The following ATAD1 variants were observed in gnomAD, a reference collection of about 807,000 sequenced individuals.
ATAD1 encodes ATPase family AAA domain containing 1, also known as outer mitochondrial transmembrane helix translocase.
Under a neutral mutation model 42.7 loss-of-function variants are expected in ATAD1, and 18 were observed. The ratio of observed to expected loss-of-function variants is 0.42; its 90% CI spans 0.29 to 0.63. ATAD1 has a LOEUF of 0.63. ATAD1 is among the 20% of genes least tolerant of loss of function. The pLI is 0.19. For synonymous variants in ATAD1, 132 were observed against 143.1 expected (o/e 0.92, Z 0.55); for missense variants, 294 against 440.4 (o/e 0.67, Z 2.98).
intron 3 of ATAD1, among the ~76,000 whole-genome samples, chr10:87,792,198 T>C (rs1232472927): frequency 6.6e-6 from 1 of 152,236 alleles, no homozygotes; most frequent in Non-Finnish European, 1.5e-5. Flanking sequence ...AACAGCTCAC[T>C]GTGCCTAAAC....
rs1480855836 is a variant in ATAD1 at position 87,807,174 on chromosome 10, GAA to G, written c.162+7262_162+7263del. 2.0e-5 allele frequency among the ~76,000 whole-genome samples: 3 copies of G among 152,050 alleles called. No homozygotes were observed. In the East Asian group the frequency reaches 5.8e-4, roughly 29 times the overall value. On this transcript the variant is annotated intron_variant, in intron 2 of 9. Coordinates refer to ENST00000680024, the MANE Select transcript of ATAD1 (RefSeq NM_001321967.2). ...AAATGAGAATTCAGAACGGTAGAAG[GAA>G]AAGTGTTTTTCCTCTCCTATATGTG...
At chr10:87,837,211 G>A (rs1408079675) in intron 1 of ATAD1, among the ~76,000 whole-genome samples, 1 of 152,060 alleles carries the variant, frequency 6.6e-6, no homozygotes, top group Non-Finnish European at 1.5e-5. Context: ...GACTAGTTTT[G>A]AATTGTATCC....
intron 6 of ATAD1, among the ~76,000 whole-genome samples, chr10:87,773,387 T>C (rs984631789): frequency 6.6e-6 from 1 of 152,186 alleles, no homozygotes; most frequent in Non-Finnish European, 1.5e-5. Flanking sequence ...TTCTATTTCC[T>C]TGGTGACCAT....
chr10:87,806,900 A>T (rs1273713412), intron 2 of ATAD1, among the ~76,000 whole-genome samples: 1 of 152,208 alleles, frequency 6.6e-6, no homozygotes, highest in Non-Finnish European at 1.5e-5. Flanking sequence ...GAATCTGCAT[A>T]ACAAACTTTA....
rs183550885 is a variant in ATAD1, at chr10:87,810,792, A to T, written c.162+3646T>A. On this transcript the variant is annotated intron_variant, in intron 2 of 9. Coordinates refer to ENST00000680024, the MANE Select transcript of ATAD1 (RefSeq NM_001321967.2). The stretch of plus-strand genomic sequence containing the variant: ...TTCATCTTTAAAACACTGTGTCTTT[A>T]TCTTTAGTTGAAATACTACAGATAG... Among the ~76,000 whole-genome samples, 6 of 152,308 alleles carry T rather than the reference A, an allele frequency of 3.9e-5. No individual in the cohort carries two copies. In the East Asian group the frequency reaches 9.6e-4, roughly 24 times the overall value.
At chr10:87,775,672 G>A (rs1855272837) in intron 6 of ATAD1, among the ~76,000 whole-genome samples, 1 of 151,978 alleles carries the variant, frequency 6.6e-6, no homozygotes, top group Non-Finnish European at 1.5e-5. Context: ...AAAACTAAAT[G>A]AAAACTGGGA....
intron 8 of ATAD1, among the ~76,000 whole-genome samples, chr10:87,757,165 G>A (rs953464523): frequency 6.6e-6 from 1 of 151,338 alleles, no homozygotes; most frequent in Non-Finnish European, 1.5e-5. Flanking sequence ...GGGGAAGAAC[G>A]GATATTGGAC....
Position 87,790,190 on chromosome 10 carries a change from A to G in ATAD1, c.382+120T>C, listed in dbSNP as rs1856028846. On this transcript the variant is annotated intron_variant, in intron 4 of 9. Transcript: ENST00000680024. ...GAGCAATTATTTTAAGAAACTGTTC[A>G]CATAGATCTCAGCATCCTCTTGAGA... 3.5e-6 allele frequency: 4 copies of G among 1,156,658 alleles called. No homozygotes were observed. The East Asian group carries it at 1.0e-4, about 30-fold the overall frequency. The allele number at this position is 1,156,658 out of a possible 1,614,324, so 71.6% of individuals were successfully genotyped here.
Position 87,776,295 on chromosome 10 carries a change from G to A in ATAD1, c.690+26C>T, listed in dbSNP as rs759232768. On this transcript the variant is annotated intron_variant, in intron 6 of 9. Transcript: ENST00000680024. ...ATTAAGAACAAAAAAACCAACACAAGTTGAGGGCAGATTTTATTCAAATAC... is the reference window on the plus strand; with the variant it reads ...ATTAAGAACAAAAAAACCAACACAAATTGAGGGCAGATTTTATTCAAATAC... The A allele has an allele frequency of 5.1e-6, 8 of 1,565,256 alleles. No homozygotes were observed. The East Asian group carries it at 1.3e-4, about 26-fold the overall frequency.
chr10:87,834,562 T>G (rs573494496), intron 1 of ATAD1, among the ~76,000 whole-genome samples: 1 of 152,300 alleles, frequency 6.6e-6, no homozygotes, highest in East Asian at 1.9e-4. Context: ...CATATTTATG[T>G]GTGTTGAGTT....
intron 2 of ATAD1, among the ~76,000 whole-genome samples, chr10:87,810,416 T>A (rs1460865279): frequency 6.6e-6 from 1 of 152,056 alleles, no homozygotes; most frequent in Non-Finnish European, 1.5e-5. Context: ...CCTTAATTTT[T>A]AAAAAATCTG....
intron 1 of ATAD1, among the ~76,000 whole-genome samples, chr10:87,825,610 C>T (rs1265381939): frequency 2.7e-5 from 4 of 150,348 alleles, no homozygotes. Context: ...TGCCCAGCCA[C>T]AAATCCTAAC....
intron 1 of ATAD1, among the ~76,000 whole-genome samples, chr10:87,827,070 G>A (rs1452088691): frequency 6.6e-6 from 1 of 152,144 alleles, no homozygotes; most frequent in Non-Finnish European, 1.5e-5. Flanking sequence ...GTGCCAGGTA[G>A]GTGAAGAACA....
At position 87,753,504 on chromosome 10, in the gene ATAD1, A is replaced by C. The variant is rs1160643972; in HGVS notation, c.*1183T>G. ...CATGCTGCGTGGTTAGGTGCCTATA[A>C]CAGAATTCTGGTTAGTAAAATTTTG... On this transcript the variant is annotated 3_prime_UTR_variant, in exon 10 of 10. Coordinates refer to ENST00000680024, the MANE Select transcript of ATAD1 (RefSeq NM_001321967.2). 1 of 152,232 alleles carries C rather than the reference A, an allele frequency of 6.6e-6. No individual in the cohort carries two copies. Among genetic ancestry groups the C allele is most frequent in the Non-Finnish European group, 1.5e-5 (1 of 68,014 alleles). 9.4% of individuals were successfully genotyped at this position (152,232 alleles called of 1,614,324 possible). A position where few individuals can be genotyped will look rare whatever the true frequency, so the allele number is the denominator to read the frequency against.
chr10:87,787,247 G>T (rs575478232), intron 4 of ATAD1, among the ~76,000 whole-genome samples: 1 of 152,212 alleles, frequency 6.6e-6, no homozygotes, highest in Non-Finnish European at 1.5e-5. Flanking sequence ...CTTTATAGAG[G>T]CTTAAAAATT....
At chr10:87,762,796 C>T (rs1854544740) in intron 8 of ATAD1, among the ~76,000 whole-genome samples, 1 of 151,072 alleles carries the variant, frequency 6.6e-6, no homozygotes, top group South Asian at 2.1e-4. Context: ...GTCAACCGGG[C>T]ACGGTGGCTC....
intron 2 of ATAD1, among the ~76,000 whole-genome samples, chr10:87,804,217 C>T (rs1856826061): frequency 6.6e-6 from 1 of 152,128 alleles, no homozygotes; most frequent in Non-Finnish European, 1.5e-5. Flanking sequence ...AAATAGTTTT[C>T]AAGTCTACAG....
chr10:87,756,942 AT>A lies in ATAD1; in HGVS notation c.832-21del. ...ATCCACCTTAAACAAATATAAAAAC[AT>A]GCTTAAAAAACAAAAATAAATATAT... On this transcript the variant is annotated intron_variant, in intron 8 of 9. Transcript: ENST00000680024. 2 of 1,565,914 alleles carry A rather than the reference AT, an allele frequency of 1.3e-6. No homozygotes were observed. Among genetic ancestry groups the A allele is most frequent in the Non-Finnish European group, 1.7e-6 (2 of 1,161,708 alleles).
intron 4 of ATAD1, among the ~76,000 whole-genome samples, chr10:87,789,999 AAAC>A (rs2131919099): frequency 6.6e-6 from 1 of 152,298 alleles, no homozygotes; most frequent in Admixed American, 6.5e-5. Context: ...AAACAAAACA[AAAC>A]AAAAAACTTG....
Sources: gnomAD v4.1 joint callset for allele counts (sites outside exome capture counted in the v4.1 genomes callset) on GRCh38, gnomAD v4.1.1 for gene constraint, MANE v1.5 for transcripts, NCBI Gene and HGNC (gene_info 2026-07-23, HGNC 2026-07-21) for gene names.